The following CEP126 variants were observed in gnomAD, a reference collection of about 807,000 sequenced individuals.
CEP126 encodes centrosomal protein of 126 kDa.
Under a neutral mutation model 107.8 loss-of-function variants are expected in CEP126, and 74 were observed. The ratio of observed to expected loss-of-function variants is 0.69; its 90% CI spans 0.57 to 0.83. CEP126 has a LOEUF of 0.83. Ranked by LOEUF, CEP126 falls within the 40% of genes least tolerant of loss-of-function variation. The pLI, the probability that CEP126 is intolerant of heterozygous loss-of-function variation, is 0.00. For synonymous variants in CEP126, 449 were observed against 446.0 expected (o/e 1.01, Z -0.08); for missense variants, 1,237 against 1,281.9 (o/e 0.96, Z 0.53).
At chr11:101,958,138 T>A (rs773990130) in intron 4 of CEP126, 30 bp from the exon 5 acceptor site, 2 of 1,591,920 alleles carry the variant, frequency 1.3e-6, no homozygotes, top group Non-Finnish European at 1.7e-6. Flanking sequence ...TATTTAAATG[T>A]ACTAAGCACT....
At chr11:101,952,415 T>C (rs1940824883) in intron 4 of CEP126, among the ~76,000 whole-genome samples, 2 of 152,146 alleles carry the variant, frequency 1.3e-5, no homozygotes, top group South Asian at 4.1e-4. Context: ...TAAAATCAGG[T>C]AAAATGGCAC....
intron 4 of CEP126, chr11:101,956,074 A>G (rs779526528): frequency 1.5e-5 from 7 of 456,506 alleles, no homozygotes; most frequent in Non-Finnish European, 2.6e-5. Context: ...TCCCTCGTCT[A>G]CCAGCACCAA....
intron 4 of CEP126, among the ~76,000 whole-genome samples, chr11:101,950,552 C>T (rs1940797663): frequency 6.6e-6 from 1 of 152,116 alleles, no homozygotes; most frequent in Non-Finnish European, 1.5e-5. Flanking sequence ...ACATAATACA[C>T]ATGTAATACT....
intron 9 of CEP126, among the ~76,000 whole-genome samples, chr11:101,991,139 T>G (rs1941375666): frequency 6.6e-6 from 1 of 152,106 alleles, no homozygotes; most frequent in Non-Finnish European, 1.5e-5. Flanking sequence ...ATCATAACAC[T>G]GCACTCCTCC....
chr11:101,917,904 A>G (rs1301422695), intron 1 of CEP126, among the ~76,000 whole-genome samples: 2 of 152,214 alleles, frequency 1.3e-5, no homozygotes, highest in Non-Finnish European at 1.5e-5. Flanking sequence ...TACAGATTGT[A>G]CCACTAAAGA....
chr11:101,991,591 A>T (rs1219363273), intron 9 of CEP126, among the ~76,000 whole-genome samples: 1 of 152,162 alleles, frequency 6.6e-6, no homozygotes, highest in African/African-American at 2.4e-5. Context: ...AGAAATGAAA[A>T]CTCTTAAGAG....
At chr11:101,919,209 C>T (rs1940283665) in intron 1 of CEP126, among the ~76,000 whole-genome samples, 1 of 151,926 alleles carries the variant, frequency 6.6e-6, no homozygotes, top group South Asian at 2.1e-4. Context: ...ATTTAGAGTA[C>T]CTGAGTTAAG....
At chr11:101,956,966 A>G (rs1319071235) in intron 4 of CEP126, 1 of 328,422 alleles carries the variant, frequency 3.0e-6, no homozygotes, top group Non-Finnish European at 5.9e-6. Flanking sequence ...AGTTTATTAG[A>G]TATTTTGTAG....
At chr11:101,951,165 TAAAG>T (rs1940807575) in intron 4 of CEP126, among the ~76,000 whole-genome samples, 2 of 152,074 alleles carry the variant, frequency 1.3e-5, no homozygotes, top group African/African-American at 4.8e-5. Context: ...AGAAGTAGCA[TAAAG>T]AAATAAGAGT....
chr11:101,977,080 AT>A (rs1287599811), intron 6 of CEP126, among the ~76,000 whole-genome samples: 3 of 152,202 alleles, frequency 2.0e-5, no homozygotes, highest in Non-Finnish European at 4.4e-5. Context: ...AAAATTTTAA[AT>A]TTGTATATCA....
At position 101,994,535 on chromosome 11, in the gene CEP126, A is replaced by G. The variant is rs186591203; in HGVS notation, c.3309+1693A>G. Among the ~76,000 whole-genome samples, 7 of 152,062 alleles carry G rather than the reference A, an allele frequency of 4.6e-5. No individual in the cohort carries two copies. The East Asian group carries it at 1.4e-3, about 30-fold the overall frequency. On this transcript the variant is annotated intron_variant, in intron 10 of 10. Transcript: ENST00000263468. ...TAAGTCTTTAATCCATCTTGAGTTG[A>G]TGTTTTTGTGTATGGTATAAGGAAG... is the stretch of plus-strand genomic sequence containing the variant.
At position 101,988,763 on chromosome 11, in the gene CEP126, C is replaced by A. The variant is rs554711923; in HGVS notation, c.3244+1722C>A. Among the ~76,000 whole-genome samples, 12 of 138,428 alleles carry A rather than the reference C, an allele frequency of 8.7e-5. No homozygotes were observed. The East Asian group carries it at 2.2e-3, about 26-fold the overall frequency. 90.8% of individuals were successfully genotyped at this position (138,428 alleles called of 152,430 possible). ...AAAAACGAAGAGACTTTGTTAACAGCAAATATATGTATATGTATATATATA... is the reference window on the plus strand; with the variant it reads ...AAAAACGAAGAGACTTTGTTAACAGAAAATATATGTATATGTATATATATA... On this transcript the variant is annotated intron_variant, in intron 9 of 10. Coordinates refer to ENST00000263468, the MANE Select transcript of CEP126 (RefSeq NM_020802.4).
Position 101,915,070 on chromosome 11 carries a change from C to T in CEP126, c.-215C>T, listed in dbSNP as rs1940169239. 2 of 584,388 alleles carry T rather than the reference C, an allele frequency of 3.4e-6. No homozygotes were observed. The highest frequency in any genetic ancestry group is 3.3e-5 in the Admixed American group (1 of 30,446). The allele number at this position is 584,388 out of a possible 1,614,324, so 36.2% of individuals were successfully genotyped here. ...GTTGCTGCCGCCCCATCTGCTATTG[C>T]CCGGCGAGGTCGCCGCTGCCTCAGC... On this transcript the variant is annotated 5_prime_UTR_variant, in exon 1 of 11. Transcript: ENST00000263468.
intron 2 of CEP126, among the ~76,000 whole-genome samples, chr11:101,932,788 A>T (rs942108132): frequency 7.2e-5 from 11 of 152,194 alleles, no homozygotes; most frequent in African/African-American, 2.6e-4. Flanking sequence ...GAGTTTCTTT[A>T]CTTCCTAGCA....
chr11:101,947,427 G>A (rs907328066), intron 3 of CEP126, among the ~76,000 whole-genome samples: 3 of 152,096 alleles, frequency 2.0e-5, no homozygotes, highest in Non-Finnish European at 4.4e-5. Flanking sequence ...ATACCAAAGT[G>A]CACAGTGGAA....
rs146666593 is a variant in CEP126, at chr11:101,978,347, G to A, written c.2846G>A (p.Gly949Glu). The change falls in exon 7 of 11, where the codon GGG (glycine) becomes GAG (glutamate). Residue 949 changes from glycine (G) to glutamate (E), a missense_variant and splice_region_variant. Gly to Glu is a moderately conservative substitution (Grantham distance 98, BLOSUM62 -2). Around this residue, in one of 3 missense-constraint regions of CEP126, gnomAD observed 1,134 missense variants for 1,150.5 expected, o/e 0.99. Transcript: ENST00000263468. ...AACATTGTGCTGGCATTTGTTTAAG[G>A]GTCTACTGTTATGAGAAGAAAACGA... The part of the protein sequence containing the change: ...NVLHQNKRAT[G>E]STVMRRKRIA... The A allele has an allele frequency of 4.6e-5, 73 of 1,603,200 alleles. No homozygotes were observed. The highest frequency in any genetic ancestry group is 6.7e-5 in the African/African-American group (5 of 74,682).
intron 8 of CEP126, among the ~76,000 whole-genome samples, chr11:101,986,220 T>G (rs1362925580): frequency 6.6e-6 from 1 of 152,156 alleles, no homozygotes; most frequent in Non-Finnish European, 1.5e-5. Flanking sequence ...TGACCTCAAG[T>G]GATTCACCTG....
At chr11:101,970,242 T>A (rs1028504117) in intron 6 of CEP126, among the ~76,000 whole-genome samples, 2 of 152,224 alleles carry the variant, frequency 1.3e-5, no homozygotes, top group African/African-American at 4.8e-5. Flanking sequence ...TTGAATTCCA[T>A]TGTTCATTTA....
intron 2 of CEP126, among the ~76,000 whole-genome samples, chr11:101,938,691 A>T (rs1940626832): frequency 6.6e-6 from 1 of 152,090 alleles, no homozygotes; most frequent in Non-Finnish European, 1.5e-5. Context: ...CTCTACAAAA[A>T]ATTTTAAAAT....
Sources: gnomAD v4.1 joint callset for allele counts (sites outside exome capture counted in the v4.1 genomes callset) on GRCh38, gnomAD v4.1.1 for gene constraint, gnomAD v4.1.1 regional missense constraint, MANE v1.5 for transcripts, NCBI Gene and HGNC (gene_info 2026-07-23, HGNC 2026-07-21) for gene names.